Variants in ZSCAN5A observed in about 807,000 individuals in gnomAD.
ZSCAN5A encodes zinc finger and SCAN domain containing 5A.
In ZSCAN5A, 12 loss-of-function variants were observed where a neutral mutation model predicts 23.7. That is an observed-to-expected ratio of 0.51 (90% CI 0.32 to 0.82). The LOEUF (loss-of-function observed/expected upper bound fraction) is 0.82, where lower values mean the gene tolerates loss of function less well. Ranked by LOEUF, ZSCAN5A falls within the 40% of genes least tolerant of loss-of-function variation. The pLI, the probability that ZSCAN5A is intolerant of heterozygous loss-of-function variation, is 0.03. For synonymous variants in ZSCAN5A, 257 were observed against 239.9 expected, an observed-to-expected ratio of 1.07 and a Z score of -0.66; for missense variants, 597 against 617.9, an observed-to-expected ratio of 0.97 and a Z score of 0.36.
intron 2 of ZSCAN5A, among the ~76,000 whole-genome samples, chr19:56,350,697 A>G (rs1218143249): frequency 2.0e-5 from 3 of 152,190 alleles, no homozygotes; most frequent in Admixed American, 1.3e-4. Flanking sequence ...AAAAGGTGTC[A>G]AACTCTACTG....
chr19:56,333,921 A>G (rs941505498), intron 2 of ZSCAN5A, among the ~76,000 whole-genome samples: 3 of 152,134 alleles, frequency 2.0e-5, no homozygotes, highest in Non-Finnish European at 4.4e-5. Context: ...GAATGCCAAC[A>G]TCTCCAGATG....
chr19:56,320,671 G>A (rs11881864), intron 2 of ZSCAN5A: 279,633 of 773,170 alleles, frequency 0.36, 51,855 homozygotes, highest in Middle Eastern at 0.46. Flanking sequence ...TCATATCCAC[G>A]GTGGTGCAGG....
chr19:56,312,448 T>C (rs1190161716), intron 2 of ZSCAN5A: 1 of 152,152 alleles, frequency 6.6e-6, no homozygotes, highest in Non-Finnish European at 1.5e-5. Flanking sequence ...ACCTCAAAAC[T>C]GTCAAAATCA....
At chr19:56,245,115 G>T (rs776062865) in intron 2 of ZSCAN5A, 525 of 301,700 alleles carry the variant, frequency 1.7e-3, no homozygotes, top group Non-Finnish European at 2.7e-3. Flanking sequence ...TGGGAAGGCA[G>T]ATTTGAACAT....
At chr19:56,362,982 T>C (rs181884701) in intron 2 of ZSCAN5A, among the ~76,000 whole-genome samples, 1 of 152,244 alleles carries the variant, frequency 6.6e-6, no homozygotes, top group East Asian at 1.9e-4. Context: ...AAAATACAAC[T>C]ACTCAAGAAA....
Position 56,230,689 on chromosome 19 carries a change from T to C in ZSCAN5A, c.-127-5516A>G, listed in dbSNP as rs79206927. Among the ~76,000 whole-genome samples, 855 of 151,738 alleles carry C rather than the reference T, an allele frequency of 5.6e-3. 7 individuals are homozygous for C. The highest frequency in any genetic ancestry group is 0.02 in the African/African-American group (820 of 41,368). On this transcript the variant is annotated intron_variant, in intron 2 of 5. Transcript: ENST00000683990. ...ATTTAAGATACACCCTCTGAGCAAA[T>C]TTCAAGTATACAGTACAGATGCTCC...
At chr19:56,242,114 A>G (rs925108402) in intron 2 of ZSCAN5A, among the ~76,000 whole-genome samples, 9 of 152,114 alleles carry the variant, frequency 5.9e-5, no homozygotes, top group Admixed American at 4.6e-4. Flanking sequence ...AGGAGCTTCT[A>G]TACTGTCTCC....
intron 2 of ZSCAN5A, among the ~76,000 whole-genome samples, chr19:56,304,058 A>G (rs2040519317): frequency 6.6e-6 from 1 of 152,310 alleles, no homozygotes; most frequent in African/African-American, 2.4e-5. Context: ...AGCCGCCAGC[A>G]AGATCCCTTC....
upstream of ZSCAN5A, among the ~76,000 whole-genome samples, chr19:56,319,020 C>T (rs184646290): frequency 2.1e-3 from 313 of 152,274 alleles, 1 homozygote; most frequent in African/African-American, 7.3e-3. Flanking sequence ...TGAAATAAAT[C>T]ACTTGATAAT....
At chr19:56,365,243 G>C (rs555056738) in intron 1 of ZSCAN5A, among the ~76,000 whole-genome samples, 89 of 152,256 alleles carry the variant, frequency 5.8e-4, no homozygotes, top group African/African-American at 2.1e-3. Flanking sequence ...TTTGGCTATA[G>C]AAAAAAGATG....
chr19:56,238,973 C>T (rs11670015), intron 2 of ZSCAN5A, among the ~76,000 whole-genome samples: 23,406 of 152,078 alleles, frequency 0.15, 1,908 homozygotes, highest in East Asian at 0.2. Context: ...TCACTATCAA[C>T]GCCTCAATTC....
At chr19:56,285,563 G>A (rs1351618766) in intron 2 of ZSCAN5A, among the ~76,000 whole-genome samples, 2 of 151,928 alleles carry the variant, frequency 1.3e-5, no homozygotes, top group Non-Finnish European at 2.9e-5. Context: ...TATGTTTTTA[G>A]TTGTTTCCTT....
At chr19:56,284,513 A>ATTTTTTTTTTTTTT in intron 2 of ZSCAN5A, among the ~76,000 whole-genome samples, 1 of 118,318 alleles carries the variant, frequency 8.5e-6, no homozygotes, top group Non-Finnish European at 1.7e-5. Flanking sequence ...GCTTGCTGTA[A>ATTTTTTTTTTTTTT]TTTTTTTTTT....
intron 2 of ZSCAN5A, among the ~76,000 whole-genome samples, chr19:56,279,926 CTAAT>C (rs772868339): frequency 5.1e-4 from 78 of 151,942 alleles, no homozygotes; most frequent in Admixed American, 2.8e-3. Flanking sequence ...ATTTAAATTA[CTAAT>C]TAATTATTCA....
intron 2 of ZSCAN5A, among the ~76,000 whole-genome samples, chr19:56,353,955 G>A (rs987061202): frequency 6.6e-6 from 1 of 152,102 alleles, no homozygotes; most frequent in Non-Finnish European, 1.5e-5. Flanking sequence ...AATATTAGTC[G>A]CCCTTAAAAG....
chr19:56,363,776 C>A lies in ZSCAN5A; in HGVS notation c.-521-378G>T, dbSNP rs549340380. On this transcript the variant is annotated intron_variant, in intron 1 of 6. Transcript: ENST00000587340. The stretch of plus-strand genomic sequence containing the variant: ...TTTGGCAGAAGAAATTTCTAAGCAG[C>A]AAAGTGTTCAAGATGTGGCATGGCT... 7.2e-5 allele frequency among the ~76,000 whole-genome samples: 11 copies of A among 152,256 alleles called. No individual in the cohort carries two copies. In the South Asian group the frequency reaches 2.3e-3, roughly 32 times the overall value.
At chr19:56,257,090 A>G (rs1331046696) in intron 2 of ZSCAN5A, among the ~76,000 whole-genome samples, 1 of 152,144 alleles carries the variant, frequency 6.6e-6, no homozygotes, top group African/African-American at 2.4e-5. Flanking sequence ...TATCATTTCT[A>G]GCGGGGTTAG....
At chr19:56,354,411 C>T (rs2041689078) in intron 2 of ZSCAN5A, 2 of 152,154 alleles carry the variant, frequency 1.3e-5, no homozygotes, top group Middle Eastern at 3.2e-3. Context: ...AATAAAGCAT[C>T]AGTTGAATGC....
upstream of ZSCAN5A, chr19:56,316,688 C>A (rs915765707): frequency 6.6e-6 from 1 of 152,200 alleles, no homozygotes; most frequent in Non-Finnish European, 1.5e-5. Context: ...TGTAAATTTT[C>A]TTTCATTGCC....
Sources: gnomAD v4.1 joint callset for allele counts (sites outside exome capture counted in the v4.1 genomes callset) on GRCh38, gnomAD v4.1.1 for gene constraint, MANE v1.5 for transcripts, NCBI Gene and HGNC (gene_info 2026-07-23, HGNC 2026-07-21) for gene names.